The following STAG3 variants were observed in gnomAD, a reference collection of about 807,000 sequenced individuals.
STAG3 encodes the protein STAG3 cohesin complex component, also known as cohesin subunit SA-3.
A neutral mutation model predicts 160.7 loss-of-function variants in STAG3; 101 were observed. The observed-to-expected ratio is 0.63, with a 90% CI of 0.54 to 0.74. The LOEUF is 0.74. Among genes scored for constraint, STAG3 ranks in the 30% least tolerant of loss-of-function variants. The probability of loss-of-function intolerance (pLI) is 0.00; values close to 1 mark genes in which losing one functional copy is unlikely to be tolerated. For missense variants in STAG3, 1,188 were observed against 1,517.4 expected, an observed-to-expected ratio of 0.78 and a Z score of 3.61; for synonymous variants, 519 against 585.0, an observed-to-expected ratio of 0.89 and a Z score of 1.63.
chr7:100,200,643 T>TC, intron 18 of STAG3, 101 bp downstream of exon 18: 5 of 1,534,536 alleles, frequency 3.3e-6, no homozygotes, highest in Non-Finnish European at 4.5e-6. Flanking sequence ...TCCAGAAAAA[T>TC]CAGCAAGCCT....
At chr7:100,195,766 C>A (rs1800646301) in intron 9 of STAG3, among the ~76,000 whole-genome samples, 2 of 152,208 alleles carry the variant, frequency 1.3e-5, no homozygotes, top group Non-Finnish European at 2.9e-5. Context: ...CTGGCCCAGC[C>A]TGCTGTCTCA....
intron 29 of STAG3, among the ~76,000 whole-genome samples, chr7:100,210,710 G>C (rs1802108302): frequency 6.6e-6 from 1 of 152,158 alleles, no homozygotes; most frequent in Admixed American, 6.5e-5. Context: ...CTGTTCACCT[G>C]TTACAGTTTA....
rs1800817706 is a variant in STAG3 at position 100,198,174 on chromosome 7, C to G, written c.1244+8C>G. 1 of 1,613,222 alleles carries G rather than the reference C, an allele frequency of 6.2e-7. No individual in the cohort carries two copies. Among genetic ancestry groups the G allele is most frequent in the African/African-American group, 1.3e-5 (1 of 74,882 alleles). On this transcript the variant is annotated splice_region_variant and intron_variant, in intron 12 of 33. Transcript: ENST00000615138. Reference sequence around the variant, plus strand: ...ACTGATACTTATCCTTAAGTGAGTCCTGGGAAGAGGGGAGGCCAGTGTCTC... The same window carrying G: ...ACTGATACTTATCCTTAAGTGAGTCGTGGGAAGAGGGGAGGCCAGTGTCTC...
chr7:100,179,345 C>G (rs1799496376), intron 1 of STAG3, among the ~76,000 whole-genome samples: 1 of 150,728 alleles, frequency 6.6e-6, no homozygotes, highest in African/African-American at 2.4e-5. Flanking sequence ...GTCTCAGCCT[C>G]CTGAGTAGCT....
chr7:100,197,883 T>G lies in STAG3; in HGVS notation c.1164+7T>G. On this transcript the variant is annotated splice_region_variant and intron_variant, in intron 11 of 33. Coordinates refer to ENST00000615138, the MANE Select transcript of STAG3 (RefSeq NM_001282717.2). ...CTTCACCAGCCGCTTCAAGGTAAAA[T>G]GGGTGGTGCTCCATGGCTTGGCTCT... The G allele has an allele frequency of 6.2e-7, 1 of 1,612,350 alleles. No individual in the cohort carries two copies. The highest frequency in any genetic ancestry group is 1.1e-5 in the South Asian group (1 of 91,042).
intron 15 of STAG3, 46 bp downstream of exon 15, chr7:100,199,413 G>A: frequency 6.3e-7 from 1 of 1,575,532 alleles, no homozygotes; most frequent in Non-Finnish European, 8.7e-7. Flanking sequence ...CACCCCCTAG[G>A]GTGAAACTGG....
At chr7:100,199,208 C>G in intron 14 of STAG3, 54 bp from the exon 15 acceptor site, 2 of 1,211,920 alleles carry the variant, frequency 1.7e-6, no homozygotes, top group Non-Finnish European at 2.5e-6. Context: ...GTAACCACTT[C>G]GTAGGGTATT....
chr7:100,201,710 C>A, intron 21 of STAG3, 76 bp from the exon 22 acceptor site: 2 of 1,242,854 alleles, frequency 1.6e-6, no homozygotes, highest in African/African-American at 1.5e-5. Flanking sequence ...CTCTCCTCTT[C>A]ACTGGTGTGT....
At chr7:100,216,476 A>G (rs779873124), downstream of STAG3, among the ~76,000 whole-genome samples, 1 of 152,208 alleles carries the variant, frequency 6.6e-6, no homozygotes, top group Non-Finnish European at 1.5e-5. Flanking sequence ...TTTTAAAATC[A>G]TGGTTCAACA....
At position 100,182,760 on chromosome 7, in the gene STAG3, A is replaced by G. The variant is rs370462397; in HGVS notation, c.257A>G (p.His86Arg). The G allele has an allele frequency of 5.9e-5, 95 of 1,613,870 alleles. No individual in the cohort carries two copies. Among genetic ancestry groups the G allele is most frequent in the Non-Finnish European group, 7.2e-5 (85 of 1,179,940 alleles). The part of the protein sequence containing the change: ...KHPKKGSRVV[H>R]RHSRKQSEPP... ...CCAAAGAAAGGGTCCCGAGTGGTAC[A>G]TCGTCATAGCCGGAAACAGTCAGAG... Residue 86 changes from histidine to arginine, a missense_variant, in exon 4 of 34, where the codon CAT becomes CGT. His to Arg is a conservative substitution (Grantham distance 29, BLOSUM62 0). Coordinates refer to ENST00000615138, the MANE Select transcript of STAG3 (RefSeq NM_001282717.2).
chr7:100,212,120 C>A, intron 32 of STAG3: 1 of 406,654 alleles, frequency 2.5e-6, no homozygotes, highest in South Asian at 3.4e-5. Context: ...GCTCCCAATC[C>A]CTAAATAAAT....
chr7:100,214,358 G>A lies in STAG3; in HGVS notation c.*343G>A, dbSNP rs139338451. 4.7e-3 allele frequency: 1,672 copies of A among 353,574 alleles called. 18 individuals carry two copies. The highest frequency in any genetic ancestry group is 0.032 in the African/African-American group (1,510 of 47,468). The allele number at this position is 353,574 out of a possible 1,614,324, so 21.9% of individuals were successfully genotyped here. A position where few individuals can be genotyped will look rare whatever the true frequency, so the allele number is the denominator to read the frequency against. On this transcript the variant is annotated 3_prime_UTR_variant, in exon 34 of 34. Coordinates refer to ENST00000615138, the MANE Select transcript of STAG3 (RefSeq NM_001282717.2). The stretch of plus-strand genomic sequence containing the variant: ...AGCCTATTTTGTGTCCTAATGATTC[G>A]CTCAATAAACATGTTTGAATCCACA...
chr7:100,216,048 ATT>A (rs1201222963), downstream of STAG3, among the ~76,000 whole-genome samples: 3 of 152,056 alleles, frequency 2.0e-5, no homozygotes, highest in Non-Finnish European at 2.9e-5. Context: ...TGGCTGCCAG[ATT>A]CAGTCCAGAT....
Position 100,204,957 on chromosome 7 carries a change from G to A in STAG3, c.2952-48G>A, listed in dbSNP as rs763140873. 1.2e-5 allele frequency: 19 copies of A among 1,598,300 alleles called. No homozygotes were observed. In the East Asian group the frequency reaches 4.0e-4, roughly 34 times the overall value. On this transcript the variant is annotated intron_variant, in intron 27 of 33. Coordinates refer to ENST00000615138, the MANE Select transcript of STAG3 (RefSeq NM_001282717.2). ...TGGACAGGATAGCTCAGGCCTGGGA[G>A]GGAAGTGGGAAGAGACTTTCTTCCT...
intron 24 of STAG3, 50 bp from the exon 25 acceptor site, chr7:100,202,404 G>A: frequency 6.2e-7 from 1 of 1,609,554 alleles, no homozygotes; most frequent in Non-Finnish European, 8.5e-7. Flanking sequence ...CAGAAATATA[G>A]GGCAGGAAGC....
rs1205278827 is a variant in STAG3 at position 100,200,833 on chromosome 7, T to A, written c.1925T>A (p.Leu642His). The change falls in exon 19 of 34, where the codon CTT becomes CAT. Residue 642 changes from leucine to histidine, a missense_variant. By Grantham distance (99) the Leu-to-His change is moderately conservative. Around this residue, in one of 4 missense-constraint regions of STAG3, gnomAD observed 647 missense variants for 717.2 expected, o/e 0.90. Coordinates refer to ENST00000615138, the MANE Select transcript of STAG3 (RefSeq NM_001282717.2). ...GTGAAGCATGCAGAGCCAGCGGTGC[T>A]TGAGGCTGGGGCGCATGCCCTCTAC... ...VVVKHAEPAV[L>H]EAGAHALYLL... 6.2e-7 allele frequency: 1 copy of A among 1,614,240 alleles called. No homozygotes were observed. Among genetic ancestry groups the A allele is most frequent in the South Asian group, 1.1e-5 (1 of 91,090 alleles).
At position 100,202,528 on chromosome 7, in the gene STAG3, C is replaced by T. The variant is rs767101466; in HGVS notation, c.2638C>T (p.Leu880=). ...RRRLLAGFCK[L]LLYGVLEMDA... ...CCGCCTCCTAGCCGGGTTCTGCAAG[C>T]TGTTGCTTTATGGGGTGCTGGAGAT... Residue 880 remains leucine, a synonymous_variant, in exon 25 of 34, where the codon CTG becomes TTG. Coordinates refer to ENST00000615138, the MANE Select transcript of STAG3 (RefSeq NM_001282717.2). 1 of 1,614,196 alleles carries T rather than the reference C, an allele frequency of 6.2e-7. No individual in the cohort carries two copies.
At chr7:100,195,501 AGCTGGAGC>A in intron 9 of STAG3, 119 bp downstream of exon 9, 1 of 869,462 alleles carries the variant, frequency 1.2e-6, no homozygotes, top group Non-Finnish European at 1.8e-6. Flanking sequence ...GAATTAATGC[AGCTGGAGC>A]AAAAATTCTT....
rs1801037001 is a variant in STAG3, at chr7:100,200,562, A to G, written c.1860+20A>G. 4.3e-6 allele frequency: 7 copies of G among 1,612,334 alleles called. No homozygotes were observed. The highest frequency in any genetic ancestry group is 5.9e-6 in the Non-Finnish European group (7 of 1,179,200). ...GAGAAGGTAGGGAGATAGATTTCCT[A>G]TACCTTGCTGCTTGCCTGCCAGGGC... is the stretch of plus-strand genomic sequence containing the variant. On this transcript the variant is annotated intron_variant, in intron 18 of 33. Coordinates refer to ENST00000615138, the MANE Select transcript of STAG3 (RefSeq NM_001282717.2).
Sources: gnomAD v4.1 joint callset for allele counts (sites outside exome capture counted in the v4.1 genomes callset) on GRCh38, gnomAD v4.1.1 for gene constraint, gnomAD v4.1.1 regional missense constraint, MANE v1.5 for transcripts, NCBI Gene and HGNC (gene_info 2026-07-23, HGNC 2026-07-21) for gene names.